Variants in PLCB1 observed in about 807,000 individuals in gnomAD.
PLCB1 encodes the protein phospholipase C beta 1.
Under a neutral mutation model 161.8 loss-of-function variants are expected in PLCB1, and 46 were observed. The observed-to-expected ratio is 0.28, with a 90% CI of 0.22 to 0.36. PLCB1 has a LOEUF of 0.36. PLCB1 is among the 10% of genes least tolerant of loss of function. The pLI, the probability that PLCB1 is intolerant of heterozygous loss-of-function variation, is 1.00. For synonymous variants in PLCB1, 517 were observed against 503.7 expected (o/e 1.03, Z -0.35); for missense variants, 1,016 against 1,472.5 (o/e 0.69, Z 5.07).
intron 2 of PLCB1, among the ~76,000 whole-genome samples, chr20:8,234,001 T>C (rs536448320): frequency 6.6e-6 from 1 of 152,322 alleles, no homozygotes; most frequent in Non-Finnish European, 1.5e-5. Flanking sequence ...AGTTTCATTT[T>C]TGGATCATAG....
chr20:8,540,209 T>A (rs1399565524), intron 3 of PLCB1, among the ~76,000 whole-genome samples: 1 of 152,204 alleles, frequency 6.6e-6, no homozygotes, highest in African/African-American at 2.4e-5. Context: ...ATATTGAAGT[T>A]CTCATTTAGT....
intron 2 of PLCB1, among the ~76,000 whole-genome samples, chr20:8,345,100 G>A (rs1416591182): frequency 6.6e-6 from 1 of 152,148 alleles, no homozygotes; most frequent in East Asian, 1.9e-4. Context: ...AAGTAAAGAA[G>A]CTTCAAAACT....
intron 14 of PLCB1, among the ~76,000 whole-genome samples, chr20:8,721,717 A>C (rs1456847831): frequency 1.3e-5 from 2 of 152,216 alleles, no homozygotes; most frequent in Admixed American, 6.5e-5. Flanking sequence ...TCCATCAAAT[A>C]AGCTTGCAGA....
intron 31 of PLCB1, among the ~76,000 whole-genome samples, chr20:8,856,307 T>C (rs1987065611): frequency 6.6e-6 from 1 of 152,198 alleles, no homozygotes; most frequent in Non-Finnish European, 1.5e-5. Context: ...AGGACCATAC[T>C]GAACCTATAC....
intron 31 of PLCB1, among the ~76,000 whole-genome samples, chr20:8,816,719 T>C (rs938287239): frequency 2.6e-5 from 4 of 152,032 alleles, no homozygotes; most frequent in Non-Finnish European, 5.9e-5. Context: ...ATTAGGGAGG[T>C]GGCCAAAGGG....
At chr20:8,844,595 G>A (rs1986622605) in intron 31 of PLCB1, among the ~76,000 whole-genome samples, 1 of 151,880 alleles carries the variant, frequency 6.6e-6, no homozygotes, top group Non-Finnish European at 1.5e-5. Context: ...AAAGGACGGG[G>A]GAGGGGAAAG....
intron 3 of PLCB1, among the ~76,000 whole-genome samples, chr20:8,444,495 G>A (rs555063457): frequency 8.3e-4 from 127 of 152,288 alleles, no homozygotes; most frequent in African/African-American, 3.0e-3. Flanking sequence ...TGTGAATAGT[G>A]CCGCAATAAA....
intron 31 of PLCB1, chr20:8,802,081 C>T (rs1361878097): frequency 1.6e-5 from 26 of 1,610,704 alleles, no homozygotes; most frequent in East Asian, 8.9e-5. Flanking sequence ...TCATTCTTGT[C>T]GGAAACTTGC....
chr20:8,653,613 A>C (rs970949674), intron 7 of PLCB1: 1 of 152,014 alleles, frequency 6.6e-6, no homozygotes. Context: ...TATTCATTAG[A>C]GTCTGCTTCA....
chr20:8,199,374 T>C (rs2052065129), intron 2 of PLCB1, among the ~76,000 whole-genome samples: 1 of 152,190 alleles, frequency 6.6e-6, no homozygotes, highest in East Asian at 1.9e-4. Context: ...TTGAGTCTTA[T>C]TGCATATAGT....
intron 10 of PLCB1, among the ~76,000 whole-genome samples, chr20:8,687,148 C>T (rs6056009): frequency 0.66 from 98,929 of 150,664 alleles, 33,506 homozygotes; most frequent in South Asian, 0.78. Context: ...ACCTCAGCCT[C>T]CTGAGTAGCT....
intron 3 of PLCB1, among the ~76,000 whole-genome samples, chr20:8,579,933 A>G (rs1447049488): frequency 1.3e-5 from 2 of 152,192 alleles, no homozygotes; most frequent in African/African-American, 4.8e-5. Context: ...AAGGTAATGT[A>G]AGGCAGGCTT....
chr20:8,629,879 C>CTTTCTG (rs1568536067), intron 4 of PLCB1, among the ~76,000 whole-genome samples: 1 of 89,764 alleles, frequency 1.1e-5, no homozygotes, highest in Admixed American at 1.2e-4. Context: ...CTTTCTTTCT[C>CTTTCTG]TCTCTCTTTC....
At chr20:8,685,937 C>T (rs909352666) in intron 10 of PLCB1, among the ~76,000 whole-genome samples, 1 of 151,976 alleles carries the variant, frequency 6.6e-6, no homozygotes, top group Non-Finnish European at 1.5e-5. Context: ...AGTGTATGCA[C>T]CCTTCTCAGA....
At chr20:8,765,416 T>G in intron 26 of PLCB1, 58 bp downstream of exon 26, 5 of 1,251,558 alleles carry the variant, frequency 4.0e-6, no homozygotes, top group Non-Finnish European at 5.7e-6. Context: ...TTAACATGGA[T>G]TTTTAATGTT....
At chr20:8,781,916 T>G (rs1983259757) in intron 27 of PLCB1, among the ~76,000 whole-genome samples, 1 of 152,006 alleles carries the variant, frequency 6.6e-6, no homozygotes, top group Non-Finnish European at 1.5e-5. Context: ...CCACAACACA[T>G]GGGAATTATG....
intron 31 of PLCB1, among the ~76,000 whole-genome samples, chr20:8,839,765 T>G (rs943372815): frequency 6.9e-6 from 1 of 145,470 alleles, no homozygotes; most frequent in Non-Finnish European, 1.5e-5. Context: ...CTTGGCCAGG[T>G]GCGGTGGCTC....
At chr20:8,841,852 A>C (rs1986516325) in intron 31 of PLCB1, among the ~76,000 whole-genome samples, 2 of 152,206 alleles carry the variant, frequency 1.3e-5, no homozygotes, top group Non-Finnish European at 2.9e-5. Flanking sequence ...TGGTATCATC[A>C]TGGGGTCATT....
At chr20:8,212,943 T>A (rs368947415) in intron 2 of PLCB1, among the ~76,000 whole-genome samples, 2 of 152,010 alleles carry the variant, frequency 1.3e-5, no homozygotes, top group South Asian at 2.1e-4. Flanking sequence ...TCTTTGCAAA[T>A]CTGTATGAAG....
Sources: gnomAD v4.1 joint callset for allele counts (sites outside exome capture counted in the v4.1 genomes callset) on GRCh38, gnomAD v4.1.1 for gene constraint, MANE v1.5 for transcripts, NCBI Gene and HGNC (gene_info 2026-07-23, HGNC 2026-07-21) for gene names.